The following SKAP1 variants were observed in gnomAD, a reference collection of about 807,000 sequenced individuals.
SKAP1 encodes src kinase-associated phosphoprotein 1.
Under a neutral mutation model 58.5 loss-of-function variants are expected in SKAP1, and 44 were observed. The ratio of observed to expected loss-of-function variants is 0.75; its 90% CI spans 0.59 to 0.97. SKAP1 has a LOEUF of 0.97. Among genes scored for constraint, SKAP1 ranks in the 50% least tolerant of loss-of-function variants. The pLI is 0.00. For synonymous variants in SKAP1, 127 were observed against 149.7 expected, an observed-to-expected ratio of 0.85 and a Z score of 1.11; for missense variants, 390 against 435.2, an observed-to-expected ratio of 0.90 and a Z score of 0.92.
chr17:48,431,763 T>C (rs1053446764), upstream of SKAP1, among the ~76,000 whole-genome samples: 1 of 152,032 alleles, frequency 6.6e-6, no homozygotes, highest in African/African-American at 2.4e-5. Context: ...TAGAAAAGAT[T>C]AGGAGTGGTG....
chr17:48,363,557 T>A (rs973622123), intron 3 of SKAP1, among the ~76,000 whole-genome samples: 13 of 152,244 alleles, frequency 8.5e-5, no homozygotes, highest in African/African-American at 2.7e-4. Context: ...GCCTTGGTTT[T>A]ATAAAATAAT....
At chr17:48,425,338 AAT>A (rs1327377832) in intron 1 of SKAP1, among the ~76,000 whole-genome samples, 1 of 152,226 alleles carries the variant, frequency 6.6e-6, no homozygotes, top group East Asian at 1.9e-4. Flanking sequence ...CCTGTGCACA[AAT>A]ATGTCCCAAC....
At chr17:48,190,860 C>G (rs533566747) in intron 4 of SKAP1, among the ~76,000 whole-genome samples, 1 of 152,154 alleles carries the variant, frequency 6.6e-6, no homozygotes, top group East Asian at 1.9e-4. Flanking sequence ...TGGCACACAC[C>G]TGTAATCCCA....
upstream of SKAP1, among the ~76,000 whole-genome samples, chr17:48,434,822 G>A (rs970662365): frequency 4.6e-5 from 7 of 152,112 alleles, no homozygotes; most frequent in Middle Eastern, 3.2e-3. Context: ...GCCACTCTAC[G>A]AAGTCATCAC....
At chr17:48,411,604 G>C (rs2067667284) in intron 1 of SKAP1, among the ~76,000 whole-genome samples, 1 of 152,072 alleles carries the variant, frequency 6.6e-6, no homozygotes, top group Non-Finnish European at 1.5e-5. Flanking sequence ...CCTTACAATA[G>C]AGAAACCTGA....
intron 4 of SKAP1, among the ~76,000 whole-genome samples, chr17:48,246,919 T>A (rs941836489): frequency 2.0e-5 from 3 of 152,184 alleles, no homozygotes; most frequent in Non-Finnish European, 4.4e-5. Context: ...CAGAAGGCAT[T>A]TAGTAAATAT....
chr17:48,408,379 T>C (rs1383864907), intron 1 of SKAP1, among the ~76,000 whole-genome samples: 2 of 152,212 alleles, frequency 1.3e-5, no homozygotes, highest in Non-Finnish European at 2.9e-5. Context: ...GTTTTATACA[T>C]GTCTTTCAAA....
chr17:48,430,468 C>A (rs145158743), upstream of SKAP1, among the ~76,000 whole-genome samples: 340 of 152,248 alleles, frequency 2.2e-3, no homozygotes, highest in Non-Finnish European at 3.9e-3. Context: ...AAAGGACCCA[C>A]GGCTTTGGAC....
intron 11 of SKAP1, chr17:48,156,363 G>A (rs551534556): frequency 6.0e-4 from 157 of 261,924 alleles, no homozygotes; most frequent in African/African-American, 3.5e-3. Flanking sequence ...GGTGGTCGCC[G>A]GCATCGTGGG....
chr17:48,370,397 C>T (rs1453176054), intron 2 of SKAP1, among the ~76,000 whole-genome samples: 1 of 152,130 alleles, frequency 6.6e-6, no homozygotes, highest in East Asian at 1.9e-4. Context: ...CCTCAACTTC[C>T]TGGGCTCAAG....
intron 3 of SKAP1, among the ~76,000 whole-genome samples, chr17:48,360,923 C>T (rs1440136911): frequency 2.6e-5 from 4 of 152,032 alleles, no homozygotes; most frequent in Non-Finnish European, 4.4e-5. Context: ...CTTCAACAAC[C>T]TTGCAATGAG....
At chr17:48,376,686 T>C (rs1413121890) in intron 2 of SKAP1, among the ~76,000 whole-genome samples, 1 of 152,146 alleles carries the variant, frequency 6.6e-6, no homozygotes, top group Non-Finnish European at 1.5e-5. Flanking sequence ...CTCTCAGTAG[T>C]AGAGATGAAT....
chr17:48,409,338 C>T (rs967442338), intron 1 of SKAP1, among the ~76,000 whole-genome samples: 1 of 152,150 alleles, frequency 6.6e-6, no homozygotes, highest in African/African-American at 2.4e-5. Context: ...CAAACTGTGA[C>T]ACCTCCATAC....
chr17:48,431,239 A>G (rs1295401757), upstream of SKAP1, among the ~76,000 whole-genome samples: 1 of 152,110 alleles, frequency 6.6e-6, no homozygotes, highest in Non-Finnish European at 1.5e-5. Flanking sequence ...GAGCCCAGGA[A>G]TCTGAGGTTA....
At position 48,430,055 on chromosome 17, in the gene SKAP1, G is replaced by A. The variant is rs2271264; in HGVS notation, c.46+20C>T. 117,219 of 1,262,346 alleles carry A rather than the reference G, an allele frequency of 0.093. 6,014 individuals are homozygous for A. The highest frequency in any genetic ancestry group is 0.22 in the East Asian group (7,007 of 32,438). The allele number at this position is 1,262,346 out of a possible 1,614,324, so 78.2% of individuals were successfully genotyped here. A position where few individuals can be genotyped will look rare whatever the true frequency, so the allele number is the denominator to read the frequency against. ...CGGCCTTCGGCTCAGCACTGGAGGG[G>A]GCCTGCGCCAGGGCGTTACCTTCCA... On this transcript the variant is annotated intron_variant, in intron 1 of 12. Transcript: ENST00000336915.
chr17:48,327,204 G>A lies in SKAP1; in HGVS notation c.280+18701C>T, dbSNP rs116059215. ...CCGTGCCCAGCATAATAAGAAAATT[G>A]CGTAGGCAAAAGGTTTATGGTCATT... On this transcript the variant is annotated intron_variant, in intron 4 of 12. Coordinates refer to ENST00000336915, the MANE Select transcript of SKAP1 (RefSeq NM_003726.4). Among the ~76,000 whole-genome samples the A allele has an allele frequency of 3.2e-3, 490 of 152,086 alleles. 3 individuals are homozygous for A. The highest frequency in any genetic ancestry group is 0.011 in the African/African-American group (462 of 41,508).
chr17:48,316,381 G>C (rs1045341802), intron 4 of SKAP1, among the ~76,000 whole-genome samples: 1 of 152,126 alleles, frequency 6.6e-6, no homozygotes, highest in African/African-American at 2.4e-5. Flanking sequence ...CCTGTGTCTG[G>C]AATGCTCGTC....
chr17:48,215,807 C>T lies in SKAP1; in HGVS notation c.281-26307G>A, dbSNP rs991026558. The stretch of plus-strand genomic sequence containing the variant: ...TATGAGATCAGGGTTTAGATAGAGG[C>T]AGCCCCAGCATCACCAGCTCTCCCT... On this transcript the variant is annotated intron_variant, in intron 4 of 12. Coordinates refer to ENST00000336915, the MANE Select transcript of SKAP1 (RefSeq NM_003726.4). 4.6e-5 allele frequency among the ~76,000 whole-genome samples: 7 copies of T among 152,120 alleles called. No individual in the cohort carries two copies. The East Asian group carries it at 9.6e-4, about 21-fold the overall frequency.
rs1598533434 is a variant in SKAP1, at chr17:48,299,955, A to G, written c.280+45950T>C. On this transcript the variant is annotated intron_variant, in intron 4 of 12. Transcript: ENST00000336915. ...CTGGGGTTTGGGGCATGAGTTTCAC[A>G]TGTAGGAGGTAAGATGAAAGGTAGG... is the stretch of plus-strand genomic sequence containing the variant. Among the ~76,000 whole-genome samples the G allele has an allele frequency of 2.6e-5, 4 of 152,102 alleles. No homozygotes were observed. The South Asian group carries it at 8.3e-4, about 32-fold the overall frequency.
Sources: gnomAD v4.1 joint callset for allele counts (sites outside exome capture counted in the v4.1 genomes callset) on GRCh38, gnomAD v4.1.1 for gene constraint, MANE v1.5 for transcripts, NCBI Gene and HGNC (gene_info 2026-07-23, HGNC 2026-07-21) for gene names.